PDE4B: variants seen among roughly 807,000 people sequenced by gnomAD.
PDE4B encodes 3',5'-cyclic-AMP phosphodiesterase 4B.
A neutral mutation model predicts 82.2 loss-of-function variants in PDE4B; 20 were observed. The observed-to-expected ratio is 0.24, with a 90% CI of 0.17 to 0.35. The LOEUF is 0.35. Ranked by LOEUF, PDE4B falls within the 10% of genes least tolerant of loss-of-function variation. The pLI is 1.00. For synonymous variants in PDE4B, 320 were observed against 318.9 expected (o/e 1.00, Z -0.04); for missense variants, 655 against 907.2 (o/e 0.72, Z 3.57).
chr1:65,819,603 G>A (rs964398104), intron 1 of PDE4B, among the ~76,000 whole-genome samples: 1 of 150,884 alleles, frequency 6.6e-6, no homozygotes, highest in African/African-American at 2.4e-5. Flanking sequence ...CCGGGTTCAC[G>A]CTATTCTCCT....
At chr1:65,939,081 T>G (rs1325164164) in intron 3 of PDE4B, among the ~76,000 whole-genome samples, 1 of 151,988 alleles carries the variant, frequency 6.6e-6, no homozygotes, top group Non-Finnish European at 1.5e-5. Context: ...CTGTTCCAGG[T>G]GTTGGGATAT....
chr1:65,956,733 T>C (rs1376968118), intron 3 of PDE4B, among the ~76,000 whole-genome samples: 2 of 152,148 alleles, frequency 1.3e-5, no homozygotes, highest in Non-Finnish European at 2.9e-5. Context: ...CCTGTCTCTT[T>C]TCGTAGAAAG....
At chr1:65,985,228 G>A (rs1256469323) in intron 3 of PDE4B, among the ~76,000 whole-genome samples, 2 of 152,102 alleles carry the variant, frequency 1.3e-5, no homozygotes, top group Admixed American at 6.5e-5. Flanking sequence ...TTGTCTCTGT[G>A]AAATAGCTTG....
chr1:66,116,570 G>T (rs1395252180), intron 3 of PDE4B, among the ~76,000 whole-genome samples: 1 of 151,998 alleles, frequency 6.6e-6, no homozygotes, highest in Non-Finnish European at 1.5e-5. Flanking sequence ...GACCCCCCCA[G>T]CCCACCACCC....
At chr1:66,049,113 G>A (rs778888019) in intron 3 of PDE4B, among the ~76,000 whole-genome samples, 4 of 151,916 alleles carry the variant, frequency 2.6e-5, no homozygotes, top group Non-Finnish European at 4.4e-5. Context: ...TGGAAATATC[G>A]TAAGTGTAGA....
intron 3 of PDE4B, among the ~76,000 whole-genome samples, chr1:66,186,369 A>T (rs568100355): frequency 6.6e-6 from 1 of 152,168 alleles, no homozygotes; most frequent in Non-Finnish European, 1.5e-5. Context: ...CAATTCAGTG[A>T]AGAAAGTCAT....
chr1:65,815,906 G>T (rs887828034), intron 1 of PDE4B, among the ~76,000 whole-genome samples: 1 of 152,122 alleles, frequency 6.6e-6, no homozygotes, highest in Admixed American at 6.6e-5. Context: ...AAGGACTTCA[G>T]CTACAGTACC....
At chr1:66,217,982 T>C (rs1650635559) in intron 3 of PDE4B, among the ~76,000 whole-genome samples, 1 of 152,052 alleles carries the variant, frequency 6.6e-6, no homozygotes, top group Admixed American at 6.6e-5. Flanking sequence ...TACTTAGAAA[T>C]GTGTTATAGA....
intron 3 of PDE4B, among the ~76,000 whole-genome samples, chr1:66,127,811 A>C (rs1454500867): frequency 1.3e-5 from 2 of 152,122 alleles, no homozygotes; most frequent in Admixed American, 6.5e-5. Context: ...CATAGTGTTG[A>C]CTTTTTCATT....
chr1:66,273,717 G>A (rs537478193), intron 7 of PDE4B, among the ~76,000 whole-genome samples: 6 of 152,216 alleles, frequency 3.9e-5, no homozygotes, highest in East Asian at 3.9e-4. Flanking sequence ...CATAAAGCCC[G>A]GGACATAGCA....
chr1:65,868,022 G>A (rs912069549), intron 1 of PDE4B, among the ~76,000 whole-genome samples: 1 of 152,188 alleles, frequency 6.6e-6, no homozygotes, highest in Non-Finnish European at 1.5e-5. Flanking sequence ...GGATTCTAGA[G>A]CTCAAGAGGT....
chr1:66,154,143 G>T (rs1646456347), intron 3 of PDE4B, among the ~76,000 whole-genome samples: 5 of 152,064 alleles, frequency 3.3e-5, no homozygotes, highest in Admixed American at 2.6e-4. Context: ...TCCTCCCCTT[G>T]GTCCCAATAG....
At chr1:65,992,413 T>C (rs1236481140) in intron 3 of PDE4B, 1 of 153,034 alleles carries the variant, frequency 6.5e-6, no homozygotes, top group East Asian at 1.9e-4. Context: ...ATGAAGACTT[T>C]AAACATTACA....
intron 4 of PDE4B, among the ~76,000 whole-genome samples, chr1:66,252,344 T>C (rs540604702): frequency 5.0e-4 from 76 of 152,174 alleles, no homozygotes; most frequent in Non-Finnish European, 7.9e-4. Flanking sequence ...AATACAGACA[T>C]GCAACCCTTT....
intron 3 of PDE4B, among the ~76,000 whole-genome samples, chr1:66,147,930 GT>G (rs1646308338): frequency 6.6e-6 from 1 of 152,124 alleles, no homozygotes; most frequent in African/African-American, 2.4e-5. Context: ...AGGAAAACAT[GT>G]TTTCTCTTCT....
intron 1 of PDE4B, among the ~76,000 whole-genome samples, chr1:65,902,101 A>G (rs181801530): frequency 6.6e-6 from 1 of 152,054 alleles, no homozygotes; most frequent in Non-Finnish European, 1.5e-5. Context: ...GTTTTGAGAG[A>G]TCTTCATGGT....
At chr1:66,161,816 G>C (rs1646618486) in intron 3 of PDE4B, among the ~76,000 whole-genome samples, 1 of 152,090 alleles carries the variant, frequency 6.6e-6, no homozygotes, top group Non-Finnish European at 1.5e-5. Context: ...ACTCTACTCT[G>C]ACTTCAGATA....
intron 3 of PDE4B, among the ~76,000 whole-genome samples, chr1:65,961,143 G>C (rs564917388): frequency 9.2e-5 from 14 of 152,200 alleles, no homozygotes; most frequent in Middle Eastern, 6.8e-3. Flanking sequence ...TAATAATATA[G>C]AGAAAAATAA....
At chr1:66,189,666 C>A (rs1033584819) in intron 3 of PDE4B, among the ~76,000 whole-genome samples, 1 of 152,146 alleles carries the variant, frequency 6.6e-6, no homozygotes, top group East Asian at 1.9e-4. Flanking sequence ...GTTCTCATGC[C>A]ATGGTTTTCA....
Sources: gnomAD v4.1 joint callset for allele counts (sites outside exome capture counted in the v4.1 genomes callset) on GRCh38, gnomAD v4.1.1 for gene constraint, MANE v1.5 for transcripts, NCBI Gene and HGNC (gene_info 2026-07-23, HGNC 2026-07-21) for gene names.